Variants in FCHSD2 observed in about 807,000 individuals in gnomAD.
FCHSD2 encodes the protein FCH and double SH3 domains 2.
A neutral mutation model predicts 108.1 loss-of-function variants in FCHSD2; 38 were observed. That is an observed-to-expected ratio of 0.35 (90% CI 0.27 to 0.46). The LOEUF (loss-of-function observed/expected upper bound fraction) is 0.46. FCHSD2 is among the 20% of genes least tolerant of loss of function. The pLI is 1.00. For missense variants in FCHSD2, 751 were observed against 897.8 expected (o/e 0.84, Z 2.09); for synonymous variants, 279 against 314.7 (o/e 0.89, Z 1.20).
chr11:73,140,034 A>G lies in FCHSD2; in HGVS notation c.116T>C (p.Met39Thr), dbSNP rs191350191. The G allele has an allele frequency of 3.3e-6, 5 of 1,523,284 alleles. No homozygotes were observed. The highest frequency in any genetic ancestry group is 4.4e-6 in the Non-Finnish European group (5 of 1,127,072). The allele number at this position is 1,523,284 out of a possible 1,614,324, so 94.4% of individuals were successfully genotyped here. A position where few individuals can be genotyped will look rare whatever the true frequency, so the allele number is the denominator to read the frequency against. ...HQAECDLLED[M>T]RTFSQKKAAI... ...GAACTATTTACTATAGCCTTACCTCATATCTTCAAGCAAATCACATTCTGC... is the reference window on the plus strand; with the variant it reads ...GAACTATTTACTATAGCCTTACCTCGTATCTTCAAGCAAATCACATTCTGC... Residue 39 changes from methionine (M) to threonine (T), a missense_variant, in exon 2 of 20, where the codon ATG (methionine) becomes ACG (threonine). By Grantham distance (81) the Met-to-Thr change is moderately conservative. Transcript: ENST00000409418.
chr11:72,989,177 C>T, intron 5 of FCHSD2, 80 bp from the exon 6 acceptor site: 1 of 1,099,672 alleles, frequency 9.1e-7, no homozygotes, highest in East Asian at 2.6e-5. Flanking sequence ...GGACTATACA[C>T]TATGCCTTCA....
At chr11:73,080,306 A>AAG (rs1377497107) in intron 3 of FCHSD2, among the ~76,000 whole-genome samples, 1 of 150,544 alleles carries the variant, frequency 6.6e-6, no homozygotes, top group East Asian at 1.9e-4. Context: ...CAAAAAAAAA[A>AAG]AAAAAAAAAA....
At chr11:72,871,313 C>T (rs1484368283) in intron 12 of FCHSD2, among the ~76,000 whole-genome samples, 1 of 152,230 alleles carries the variant, frequency 6.6e-6, no homozygotes, top group East Asian at 1.9e-4. Flanking sequence ...CAATCCCTGA[C>T]ATTCAAGCTT....
chr11:72,895,529 T>C (rs1047944403), intron 10 of FCHSD2, among the ~76,000 whole-genome samples: 2 of 152,148 alleles, frequency 1.3e-5, no homozygotes, highest in African/African-American at 4.8e-5. Flanking sequence ...AATCACAAGC[T>C]AGATAGGGGA....
intron 3 of FCHSD2, among the ~76,000 whole-genome samples, chr11:73,030,865 G>A (rs1378728654): frequency 1.3e-5 from 2 of 152,022 alleles, no homozygotes; most frequent in Admixed American, 6.6e-5. Flanking sequence ...AAAAAATCCT[G>A]AATACAATAT....
chr11:73,074,683 C>G (rs766535333), intron 3 of FCHSD2, among the ~76,000 whole-genome samples: 5 of 152,092 alleles, frequency 3.3e-5, no homozygotes, highest in Admixed American at 6.5e-5. Context: ...AAAACATTTC[C>G]ACATGAGATT....
chr11:72,894,694 C>T (rs1308214573), intron 10 of FCHSD2, among the ~76,000 whole-genome samples: 1 of 152,100 alleles, frequency 6.6e-6, no homozygotes, highest in East Asian at 1.9e-4. Flanking sequence ...CACAATCCCA[C>T]AATTCTGAAA....
At position 72,909,803 on chromosome 11, in the gene FCHSD2, C is replaced by T. The variant is rs547569192; in HGVS notation, c.829-7165G>A. On this transcript the variant is annotated intron_variant, in intron 9 of 19. Transcript: ENST00000409418. ...CTGAGGAGCACCTCTGCCCGGCCGC[C>T]CCGTCTGAGAAGTGAGGAGCACCTC... Among the ~76,000 whole-genome samples, 8 of 151,236 alleles carry T rather than the reference C, an allele frequency of 5.3e-5. No individual in the cohort carries two copies. The East Asian group carries it at 1.6e-3, about 30-fold the overall frequency.
At chr11:73,037,727 A>T (rs1367403477) in intron 3 of FCHSD2, among the ~76,000 whole-genome samples, 2 of 152,194 alleles carry the variant, frequency 1.3e-5, no homozygotes, top group Non-Finnish European at 2.9e-5. Context: ...ACTTTTATGC[A>T]TACCTATCTT....
chr11:73,140,285 CTTAT>C (rs1861216463), intron 1 of FCHSD2, among the ~76,000 whole-genome samples, 157 bp from the exon 2 acceptor site: 1 of 152,088 alleles, frequency 6.6e-6, no homozygotes, highest in South Asian at 2.1e-4. Flanking sequence ...ATTGAAGATA[CTTAT>C]TTAATGAAAA....
At chr11:73,116,642 G>C (rs139096647) in intron 2 of FCHSD2, among the ~76,000 whole-genome samples, 72 of 152,098 alleles carry the variant, frequency 4.7e-4, no homozygotes, top group African/African-American at 1.7e-3. Flanking sequence ...CTGGGCACAA[G>C]CTCCCGCGTC....
chr11:72,911,988 G>T (rs1855774024), intron 9 of FCHSD2, among the ~76,000 whole-genome samples: 2 of 152,070 alleles, frequency 1.3e-5, no homozygotes, highest in Admixed American at 1.3e-4. Flanking sequence ...ACTTATTTTT[G>T]TATGTTGATT....
At chr11:72,876,202 T>C (rs893399425) in intron 12 of FCHSD2, among the ~76,000 whole-genome samples, 4 of 152,072 alleles carry the variant, frequency 2.6e-5, no homozygotes, top group South Asian at 4.1e-4. Flanking sequence ...TGGTGGTACA[T>C]GCCTGTAGTC....
chr11:72,931,042 T>C (rs1332931766), intron 8 of FCHSD2, among the ~76,000 whole-genome samples: 1 of 151,422 alleles, frequency 6.6e-6, no homozygotes, highest in Non-Finnish European at 1.5e-5. Context: ...ACATCTCATG[T>C]GCCTCACAAA....
At chr11:72,916,332 CAG>C (rs1248729826) in intron 9 of FCHSD2, among the ~76,000 whole-genome samples, 4 of 121,620 alleles carry the variant, frequency 3.3e-5, no homozygotes, top group African/African-American at 6.3e-5. Context: ...TTTAAAGAGA[CAG>C]GGTCTTGCTC....
At chr11:72,910,393 G>C (rs1855738215) in intron 9 of FCHSD2, among the ~76,000 whole-genome samples, 1 of 152,176 alleles carries the variant, frequency 6.6e-6, no homozygotes, top group African/African-American at 2.4e-5. Flanking sequence ...AGAAAAGGGG[G>C]AAATGTGGGG....
chr11:72,931,059 T>C (rs935112096), intron 8 of FCHSD2, among the ~76,000 whole-genome samples: 16 of 150,770 alleles, frequency 1.1e-4, no homozygotes, highest in African/African-American at 3.4e-4. Context: ...CAAATATATA[T>C]ATATATATAT....
Position 73,009,190 on chromosome 11 carries a change from G to C in FCHSD2, c.242+6619C>G, listed in dbSNP as rs1857806470. 4.6e-5 allele frequency among the ~76,000 whole-genome samples: 7 copies of C among 152,102 alleles called. No homozygotes were observed. In the South Asian group the frequency reaches 1.4e-3, roughly 32 times the overall value. ...ACTGTTGGTAAAAAATAAAAACAAA[G>C]GGACAATTTAAAATCATACTACAGG... On this transcript the variant is annotated intron_variant, in intron 4 of 19. Transcript: ENST00000409418.
At chr11:73,140,275 A>G in intron 1 of FCHSD2, 147 bp from the exon 2 acceptor site, 2 of 533,582 alleles carry the variant, frequency 3.7e-6, no homozygotes. Flanking sequence ...AGTTTTATTT[A>G]TTGAAGATAC....
Sources: allele counts gnomAD v4.1 joint callset (sites outside exome capture counted in the v4.1 genomes callset), GRCh38; gene constraint gnomAD v4.1.1; transcripts MANE v1.5; gene names NCBI Gene and HGNC (gene_info 2026-07-23, HGNC 2026-07-21).